Variants in ANLN observed in about 807,000 individuals in gnomAD.
ANLN encodes anillin, actin binding protein.
ANLN carries 59 observed loss-of-function variants against 135.1 expected under a neutral mutation model. The ratio of observed to expected loss-of-function variants is 0.44; its 90% CI spans 0.35 to 0.54. The LOEUF is 0.54. Ranked by LOEUF, ANLN falls within the 20% of genes least tolerant of loss-of-function variation. ANLN has a pLI of 0.00. For missense variants in ANLN, 1,182 were observed against 1,340.0 expected, an observed-to-expected ratio of 0.88 and a Z score of 1.84; for synonymous variants, 406 against 456.4, an observed-to-expected ratio of 0.89 and a Z score of 1.41.
At chr7:36,441,555 C>T (rs1284188566) in intron 21 of ANLN, among the ~76,000 whole-genome samples, 2 of 152,146 alleles carry the variant, frequency 1.3e-5, no homozygotes, top group Non-Finnish European at 2.9e-5. Context: ...GACAGGGTGC[C>T]GGGCTAGCTC....
At chr7:36,419,776 C>T (rs1428777046) in intron 10 of ANLN, among the ~76,000 whole-genome samples, 1 of 152,164 alleles carries the variant, frequency 6.6e-6, no homozygotes, top group Non-Finnish European at 1.5e-5. Context: ...GCCACCATTT[C>T]CTCTTATGTT....
chr7:36,420,534 C>T (rs1046726687), intron 11 of ANLN, 63 bp from the exon 12 acceptor site: 2 of 1,415,444 alleles, frequency 1.4e-6, no homozygotes, highest in Non-Finnish European at 2.0e-6. Context: ...CTGATATGTT[C>T]AATAAAGGAT....
chr7:36,448,852 G>A (rs1789122773), intron 22 of ANLN: 1 of 152,106 alleles, frequency 6.6e-6, no homozygotes, highest in Admixed American at 6.5e-5. Flanking sequence ...ATAAATTTAG[G>A]TGAAACTGTA....
rs1307695778 is a variant in ANLN, at chr7:36,406,339, G to A, written c.646G>A (p.Val216Ile). The change falls in exon 4 of 24, where the codon GTA becomes ATA. Residue 216 changes from valine to isoleucine, a missense_variant. Physicochemically the swap from Val to Ile is conservative, Grantham distance 29. This residue lies in a region of ANLN where 1,022 missense variants were observed against 1,134.0 expected (regional missense o/e 0.90). Transcript: ENST00000265748. ...AATICSWEDD[V>I]NHSFAKQNSV... ...AACTATTTGCTCCTGGGAAGATGATGTAAATCACTCATTTGCAAAACAAAA... is the reference window on the plus strand; with the variant it reads ...AACTATTTGCTCCTGGGAAGATGATATAAATCACTCATTTGCAAAACAAAA... 1 of 1,614,224 alleles carries A rather than the reference G, an allele frequency of 6.2e-7. No individual in the cohort carries two copies. The highest frequency in any genetic ancestry group is 1.1e-5 in the South Asian group (1 of 91,090).
intron 3 of ANLN, 56 bp from the exon 4 acceptor site, chr7:36,406,125 T>C: frequency 1.3e-6 from 2 of 1,497,152 alleles, no homozygotes; most frequent in African/African-American, 1.4e-5. Context: ...CCTGGTATTA[T>C]ACGTAAGCAT....
intron 21 of ANLN, 103 bp downstream of exon 21, chr7:36,439,393 G>A (rs927591955): frequency 1.4e-6 from 1 of 692,486 alleles, no homozygotes; most frequent in Non-Finnish European, 2.4e-6. Context: ...TAATAAGTTG[G>A]TTCAGTAAAG....
chr7:36,419,200 T>C, intron 9 of ANLN, 44 bp from the exon 10 acceptor site: 1 of 1,416,218 alleles, frequency 7.1e-7, no homozygotes, highest in South Asian at 1.2e-5. Flanking sequence ...CTTTAATTCT[T>C]AAATATCTGA....
intron 1 of ANLN, among the ~76,000 whole-genome samples, chr7:36,392,979 A>G (rs1054683377): frequency 6.6e-6 from 1 of 152,104 alleles, no homozygotes; most frequent in Non-Finnish European, 1.5e-5. Flanking sequence ...GCAATTGAAA[A>G]ATTACAAATT....
chr7:36,433,487 G>A (rs376971036), intron 20 of ANLN, among the ~76,000 whole-genome samples: 3 of 151,962 alleles, frequency 2.0e-5, no homozygotes, highest in Non-Finnish European at 4.4e-5. Context: ...CATTTTTAAC[G>A]GTTTGATTTT....
At position 36,423,970 on chromosome 7, in the gene ANLN, C is replaced by T. The variant is rs75233446; in HGVS notation, c.2603+27C>T. On this transcript the variant is annotated intron_variant, in intron 15 of 23. Coordinates refer to ENST00000265748, the MANE Select transcript of ANLN (RefSeq NM_018685.5). ...TAAGTAAATCAGGCTTTTGATGATTCGAATGCATTTTTCTTTTTGTAGAGT... is the reference window on the plus strand; with the variant it reads ...TAAGTAAATCAGGCTTTTGATGATTTGAATGCATTTTTCTTTTTGTAGAGT... 6.7e-3 allele frequency: 10,617 copies of T among 1,594,460 alleles called. 53 individuals are homozygous for T. The highest frequency in any genetic ancestry group is 7.4e-3 in the Non-Finnish European group (8,649 of 1,171,276).
At chr7:36,408,072 G>A in intron 5 of ANLN, 116 bp downstream of exon 5, 2 of 798,856 alleles carry the variant, frequency 2.5e-6, no homozygotes, top group South Asian at 3.8e-5. Flanking sequence ...GCCAATGCCT[G>A]AATGTTCCAA....
Position 36,399,180 on chromosome 7 carries a change from T to C in ANLN, c.274T>C (p.Ser92Pro). 1.4e-5 allele frequency: 22 copies of C among 1,614,168 alleles called. No individual in the cohort carries two copies. The highest frequency in any genetic ancestry group is 1.9e-5 in the Non-Finnish European group (22 of 1,180,028). The stretch of plus-strand genomic sequence containing the variant: ...AAATAAACAACCAGTTGAGTCGACA[T>C]CTGCAAAATCTTGTTCTCCAAGTCC... ...LENKQPVEST[S>P]AKSCSPSPVS... Residue 92 changes from serine to proline, a missense_variant, in exon 3 of 24, where the codon TCT becomes CCT. Ser to Pro is a moderately conservative substitution (Grantham distance 74). This residue lies in a region of ANLN where 1,022 missense variants were observed against 1,134.0 expected (regional missense o/e 0.90). Coordinates refer to ENST00000265748, the MANE Select transcript of ANLN (RefSeq NM_018685.5).
rs538995013 is a variant in ANLN at position 36,452,981 on chromosome 7, C to T, written c.*381C>T. 3 of 158,346 alleles carry T rather than the reference C, an allele frequency of 1.9e-5. No homozygotes were observed. Among genetic ancestry groups the T allele is most frequent in the African/African-American group, 7.2e-5 (3 of 41,510 alleles). The allele number at this position is 158,346 out of a possible 1,614,324, so 9.8% of individuals were successfully genotyped here. ...GGGGTTGGAGACAGAAACCCATTCT[C>T]CAATCTCAGTAGTTTTTTCGAAAGG... On this transcript the variant is annotated 3_prime_UTR_variant, in exon 24 of 24. Coordinates refer to ENST00000265748, the MANE Select transcript of ANLN (RefSeq NM_018685.5).
chr7:36,420,474 T>C (rs1787830317), intron 11 of ANLN, 123 bp from the exon 12 acceptor site: 2 of 1,265,766 alleles, frequency 1.6e-6, no homozygotes, highest in African/African-American at 3.0e-5. Flanking sequence ...AGAGTTCCAT[T>C]CTGTTGTGAA....
rs971412831 is a variant in ANLN, at chr7:36,417,148, T to C, written c.1591T>C (p.Ser531Pro). The part of the protein sequence containing the change: ...KITLFLEEDK[S>P]LKVTSDPKVE... ...AACATTGTTTTTAGAAGAGGACAAA[T>C]CCTTAAAAGTAACATCAGACCCAAA... is the stretch of plus-strand genomic sequence containing the variant. The change falls in exon 9 of 24, where the codon TCC becomes CCC. Residue 531 changes from serine to proline, a missense_variant. Around this residue, in one of 3 missense-constraint regions of ANLN, gnomAD observed 1,022 missense variants for 1,134.0 expected, o/e 0.90. Transcript: ENST00000265748. 6.2e-7 allele frequency: 1 copy of C among 1,609,206 alleles called. No homozygotes were observed. Among genetic ancestry groups the C allele is most frequent in the African/African-American group, 1.3e-5 (1 of 74,826 alleles).
intron 12 of ANLN, 36 bp downstream of exon 12, chr7:36,420,780 T>C: frequency 6.2e-7 from 1 of 1,609,800 alleles, no homozygotes; most frequent in Non-Finnish European, 8.5e-7. Context: ...TTGGAATGTT[T>C]CTTGCACTAG....
Position 36,421,904 on chromosome 7 carries a change from T to TAGCC in ANLN, c.2214_2217dup (p.Ala740ProfsTer4), listed in dbSNP as rs746757322. ...TGCAACAGACAGTGATCTATCAAGC[T>TAGCC]AGCCAGGCTCTTAACTGCTGTGTTG... On this transcript the variant is annotated frameshift_variant, in exon 13 of 24. Coordinates refer to ENST00000265748, the MANE Select transcript of ANLN (RefSeq NM_018685.5). LOFTEE classifies it high-confidence loss of function. The TAGCC allele has an allele frequency of 6.2e-7, 1 of 1,613,674 alleles. No homozygotes were observed. Among genetic ancestry groups the TAGCC allele is most frequent in the Non-Finnish European group, 8.5e-7 (1 of 1,179,776 alleles).
At chr7:36,393,036 T>C (rs528818149) in intron 1 of ANLN, among the ~76,000 whole-genome samples, 1 of 152,050 alleles carries the variant, frequency 6.6e-6, no homozygotes, top group Non-Finnish European at 1.5e-5. Flanking sequence ...TTTTTCGTTT[T>C]TTTTTTTGAG....
At chr7:36,415,503 G>A (rs1787602324) in intron 7 of ANLN, among the ~76,000 whole-genome samples, 3 of 151,864 alleles carry the variant, frequency 2.0e-5, no homozygotes, top group Admixed American at 1.3e-4. Flanking sequence ...GCCCTGATAT[G>A]AATTTTCATT....
Sources: gnomAD v4.1 joint callset for allele counts (sites outside exome capture counted in the v4.1 genomes callset) on GRCh38, gnomAD v4.1.1 for gene constraint, gnomAD v4.1.1 regional missense constraint, MANE v1.5 for transcripts, NCBI Gene and HGNC (gene_info 2026-07-23, HGNC 2026-07-21) for gene names.